Variants in ZBTB7C observed in about 807,000 individuals in gnomAD.
ZBTB7C encodes the protein zinc finger and BTB domain containing 7C.
ZBTB7C carries 8 observed loss-of-function variants against 25.7 expected under a neutral mutation model. The ratio of observed to expected loss-of-function variants is 0.31; its 90% CI spans 0.18 to 0.56. ZBTB7C has a LOEUF of 0.56. ZBTB7C is among the 20% of genes least tolerant of loss of function. The pLI is 0.91. For missense variants in ZBTB7C, 824 were observed against 855.2 expected (o/e 0.96, Z 0.46); for synonymous variants, 394 against 369.0 (o/e 1.07, Z -0.78).
intron 1 of ZBTB7C, among the ~76,000 whole-genome samples, chr18:48,381,896 G>A (rs529501114): frequency 1.3e-5 from 2 of 152,238 alleles, no homozygotes; most frequent in East Asian, 1.9e-4. Flanking sequence ...GATCAGAAGC[G>A]GCATATAGCA....
intron 3 of ZBTB7C, among the ~76,000 whole-genome samples, chr18:48,051,889 G>A (rs915111569): frequency 6.6e-6 from 1 of 152,042 alleles, no homozygotes; most frequent in African/African-American, 2.4e-5. Context: ...TCAAGCTGTT[G>A]TTCTTTAATT....
At chr18:48,056,983 C>T (rs890416445) in intron 3 of ZBTB7C, among the ~76,000 whole-genome samples, 2 of 138,920 alleles carry the variant, frequency 1.4e-5, no homozygotes, top group Non-Finnish European at 3.0e-5. Flanking sequence ...GGCTAATTTC[C>T]TTTATATAGA....
At chr18:48,266,216 G>T (rs1217935446) in intron 2 of ZBTB7C, among the ~76,000 whole-genome samples, 1 of 151,830 alleles carries the variant, frequency 6.6e-6, no homozygotes, top group Admixed American at 6.6e-5. Flanking sequence ...ATGGAGCTAG[G>T]ACCCACCAAC....
At chr18:48,090,462 A>G (rs1173162646) in intron 3 of ZBTB7C, among the ~76,000 whole-genome samples, 3 of 152,236 alleles carry the variant, frequency 2.0e-5, no homozygotes, top group African/African-American at 7.2e-5. Flanking sequence ...CAGGCCTTAT[A>G]GACAAGCAAG....
In ZBTB7C at chr18:48,027,578, G is replaced by A. The variant is rs926100610; in HGVS notation, c.*1682C>T. 1.3e-5 allele frequency: 2 copies of A among 152,294 alleles called. No homozygotes were observed. The highest frequency in any genetic ancestry group is 2.4e-5 in the African/African-American group (1 of 41,472). The allele number at this position is 152,294 out of a possible 1,614,324, so 9.4% of individuals were successfully genotyped here. A position where few individuals can be genotyped will look rare whatever the true frequency, so the allele number is the denominator to read the frequency against. ...ATCCTGCTGGCTGGAGTGGCATCCG[G>A]TGGTGTGAAGAATCAGGGGGTCTCT... On this transcript the variant is annotated 3_prime_UTR_variant, in exon 5 of 5. Coordinates refer to ENST00000590800, the MANE Select transcript of ZBTB7C (RefSeq NM_001318841.2).
intron 1 of ZBTB7C, among the ~76,000 whole-genome samples, chr18:48,351,003 G>A (rs770604791): frequency 1.3e-5 from 2 of 151,638 alleles, no homozygotes; most frequent in Non-Finnish European, 2.9e-5. Flanking sequence ...GAACAATCTC[G>A]TATGTATACC....
At chr18:48,275,010 T>C (rs990342188) in intron 2 of ZBTB7C, among the ~76,000 whole-genome samples, 1 of 152,234 alleles carries the variant, frequency 6.6e-6, no homozygotes, top group Admixed American at 6.5e-5. Context: ...CTCTGGGGGC[T>C]TCGTCATCTC....
At chr18:48,328,530 G>C (rs11665191) in intron 2 of ZBTB7C, among the ~76,000 whole-genome samples, 8,416 of 152,198 alleles carry the variant, frequency 0.055, 300 homozygotes, top group South Asian at 0.098. Context: ...ACCTGGTTGG[G>C]CTGGCCCAAA....
upstream of ZBTB7C, among the ~76,000 whole-genome samples, chr18:48,410,267 C>T (rs898196268): frequency 1.3e-5 from 2 of 151,790 alleles, no homozygotes; most frequent in African/African-American, 4.8e-5. Context: ...CAATCGCGCT[C>T]GGCGGCGCTG....
rs532601372 is a variant in ZBTB7C, at chr18:48,331,586, C to T, written c.-79+6588G>A. Among the ~76,000 whole-genome samples, 36 of 152,342 alleles carry T rather than the reference C, an allele frequency of 2.4e-4. 1 individual carries two copies. The highest frequency in any genetic ancestry group is 8.7e-4 in the African/African-American group (36 of 41,584). On this transcript the variant is annotated intron_variant, in intron 2 of 4. Coordinates refer to ENST00000590800, the MANE Select transcript of ZBTB7C (RefSeq NM_001318841.2). ...ATAGCCCATCCCCGTCCAAGAGGTA[C>T]AGTGTATATTAGCATCACCAAGGCT...
At chr18:48,392,218 C>T (rs2047919250) in intron 1 of ZBTB7C, among the ~76,000 whole-genome samples, 1 of 152,206 alleles carries the variant, frequency 6.6e-6, no homozygotes, top group Non-Finnish European at 1.5e-5. Flanking sequence ...CCCTTCCCAC[C>T]ACACATTGGG....
chr18:48,097,162 C>T (rs376831912), intron 3 of ZBTB7C, among the ~76,000 whole-genome samples: 6 of 152,254 alleles, frequency 3.9e-5, no homozygotes, highest in South Asian at 2.1e-4. Flanking sequence ...ATTGGATCAG[C>T]GGTAGGTAAC....
chr18:48,246,056 A>C (rs1262890960), intron 2 of ZBTB7C, among the ~76,000 whole-genome samples: 1 of 152,220 alleles, frequency 6.6e-6, no homozygotes, highest in Non-Finnish European at 1.5e-5. Flanking sequence ...TTTGGATCTA[A>C]TCACAATTAT....
At chr18:48,362,179 C>G (rs2047121712) in intron 1 of ZBTB7C, among the ~76,000 whole-genome samples, 1 of 152,226 alleles carries the variant, frequency 6.6e-6, no homozygotes, top group Admixed American at 6.5e-5. Flanking sequence ...TGGGACAGAG[C>G]TATCTCAGGT....
chr18:48,389,230 C>CGTGTGTG (rs2047829832), intron 1 of ZBTB7C, among the ~76,000 whole-genome samples: 19 of 78,832 alleles, frequency 2.4e-4, no homozygotes, highest in African/African-American at 9.4e-4. Flanking sequence ...CTCTCTCTCT[C>CGTGTGTG]TCTCTCGTGT....
intron 1 of ZBTB7C, among the ~76,000 whole-genome samples, chr18:48,388,932 A>G (rs893052354): frequency 2.5e-4 from 38 of 152,142 alleles, no homozygotes; most frequent in African/African-American, 8.4e-4. Flanking sequence ...CTATGTTCTT[A>G]AGAGTTCAAA....
At chr18:48,234,746 C>T (rs573709609) in intron 2 of ZBTB7C, among the ~76,000 whole-genome samples, 2 of 152,224 alleles carry the variant, frequency 1.3e-5, no homozygotes, top group South Asian at 4.1e-4. Flanking sequence ...TGTTTGCTTA[C>T]CAGTTTTTGG....
intron 2 of ZBTB7C, among the ~76,000 whole-genome samples, chr18:48,231,883 G>A (rs1337253395): frequency 1.3e-5 from 2 of 152,212 alleles, no homozygotes; most frequent in African/African-American, 2.4e-5. Context: ...AGCTTCTTGT[G>A]GTAGGGTCTG....
chr18:48,120,316 A>G (rs1026553080), intron 3 of ZBTB7C, among the ~76,000 whole-genome samples: 3 of 152,258 alleles, frequency 2.0e-5, no homozygotes, highest in Admixed American at 6.5e-5. Context: ...AGAGGCAGCC[A>G]TGGAGGCGAA....
Sources: allele counts gnomAD v4.1 joint callset (sites outside exome capture counted in the v4.1 genomes callset), GRCh38; gene constraint gnomAD v4.1.1; transcripts MANE v1.5; gene names NCBI Gene and HGNC (gene_info 2026-07-23, HGNC 2026-07-21).